Variants in TRIO observed in about 807,000 individuals in gnomAD.
TRIO encodes the protein triple functional domain protein.
A neutral mutation model predicts 351.9 loss-of-function variants in TRIO; 58 were observed. The ratio of observed to expected loss-of-function variants is 0.16; its 90% confidence interval spans 0.13 to 0.21. The LOEUF is 0.21. Among genes scored for constraint, TRIO ranks in the 10% least tolerant of loss-of-function variants. The pLI is 1.00. For synonymous variants in TRIO, 1,758 were observed against 1,595.7 expected (o/e 1.10, Z -2.42); for missense variants, 3,201 against 4,027.8 (o/e 0.79, Z 5.56).
At chr5:14,312,123 C>T (rs1393869392) in intron 8 of TRIO, among the ~76,000 whole-genome samples, 1 of 152,176 alleles carries the variant, frequency 6.6e-6, no homozygotes, top group Non-Finnish European at 1.5e-5. Context: ...CAGCCCTCAT[C>T]TGATTTTACA....
intron 1 of TRIO, among the ~76,000 whole-genome samples, chr5:14,256,441 C>G (rs1002252146): frequency 3.9e-5 from 6 of 152,134 alleles, no homozygotes; most frequent in African/African-American, 1.2e-4. Flanking sequence ...ATAGTGGTTA[C>G]GTCTAGAGCC....
At chr5:14,415,444 T>TACA (rs1749561739) in intron 33 of TRIO, among the ~76,000 whole-genome samples, 1 of 152,172 alleles carries the variant, frequency 6.6e-6, no homozygotes, top group African/African-American at 2.4e-5. Context: ...TGCCTCATTG[T>TACA]TGTGTCCAGG....
intron 6 of TRIO, among the ~76,000 whole-genome samples, chr5:14,296,616 T>C (rs1737384209): frequency 6.6e-6 from 1 of 152,216 alleles, no homozygotes; most frequent in Non-Finnish European, 1.5e-5. Context: ...GAGAGCTTGC[T>C]TTCACACAAA....
chr5:14,195,100 ATT>A (rs1356101359), intron 1 of TRIO, among the ~76,000 whole-genome samples: 1 of 152,134 alleles, frequency 6.6e-6, no homozygotes, highest in Non-Finnish European at 1.5e-5. Context: ...CTGTTATCTA[ATT>A]TACAGACTTT....
At chr5:14,458,239 GTTTC>G (rs1753513317) in intron 34 of TRIO, among the ~76,000 whole-genome samples, 1 of 152,112 alleles carries the variant, frequency 6.6e-6, no homozygotes, top group Non-Finnish European at 1.5e-5. Flanking sequence ...TCAGCTTGCT[GTTTC>G]TTTAGACTGT....
intron 21 of TRIO, among the ~76,000 whole-genome samples, chr5:14,385,718 A>T (rs918149771): frequency 2.0e-5 from 3 of 152,226 alleles, no homozygotes; most frequent in African/African-American, 4.8e-5. Flanking sequence ...AATGTATTTT[A>T]AAAATACCAA....
At chr5:14,503,683 G>A (rs980476497) in intron 54 of TRIO, among the ~76,000 whole-genome samples, 2 of 152,248 alleles carry the variant, frequency 1.3e-5, no homozygotes, top group Admixed American at 1.3e-4. Context: ...GCCAGAGCCA[G>A]CCCCAGGCAG....
At chr5:14,337,549 G>C (rs1741534444) in intron 11 of TRIO, among the ~76,000 whole-genome samples, 1 of 152,134 alleles carries the variant, frequency 6.6e-6, no homozygotes, top group Admixed American at 6.5e-5. Flanking sequence ...GGTAACTGGG[G>C]ACTATGCACA....
At chr5:14,453,104 T>C (rs1354411806) in intron 34 of TRIO, among the ~76,000 whole-genome samples, 7 of 152,098 alleles carry the variant, frequency 4.6e-5, no homozygotes, top group Non-Finnish European at 8.8e-5. Context: ...AAATCTAGCA[T>C]GGACTTTTTT....
intron 34 of TRIO, among the ~76,000 whole-genome samples, chr5:14,421,227 A>ATTTATTTATTTATTTTAT (rs57377021): frequency 9.3e-5 from 11 of 118,078 alleles, no homozygotes; most frequent in Non-Finnish European, 1.4e-4. Flanking sequence ...TTATTTATTT[A>ATTTATTTATTTATTTTAT]TTTATTTTAT....
chr5:14,361,440 G>A (rs1744145674), intron 13 of TRIO, among the ~76,000 whole-genome samples: 1 of 152,136 alleles, frequency 6.6e-6, no homozygotes, highest in South Asian at 2.1e-4. Flanking sequence ...CTTCAGATAT[G>A]GTTCAGAAGC....
chr5:14,189,649 C>G (rs1790340087), intron 1 of TRIO, among the ~76,000 whole-genome samples: 2 of 151,782 alleles, frequency 1.3e-5, no homozygotes, highest in South Asian at 2.1e-4. Flanking sequence ...TTCTGCCAGT[C>G]TAAGCCTTAA....
chr5:14,350,512 C>A (rs758925562), intron 11 of TRIO, among the ~76,000 whole-genome samples: 1 of 152,210 alleles, frequency 6.6e-6, no homozygotes, highest in Admixed American at 6.5e-5. Flanking sequence ...AGGTTAGTCA[C>A]GTCCATCTTC....
intron 34 of TRIO, among the ~76,000 whole-genome samples, chr5:14,430,283 T>A (rs1043616964): frequency 6.6e-6 from 1 of 151,556 alleles, no homozygotes; most frequent in Non-Finnish European, 1.5e-5. Context: ...ATAAATTATA[T>A]CTTGAGTCTC....
chr5:14,356,016 G>T (rs2152334296), intron 11 of TRIO, among the ~76,000 whole-genome samples: 1 of 152,168 alleles, frequency 6.6e-6, no homozygotes, highest in East Asian at 1.9e-4. Context: ...CAAAAAATAG[G>T]TAGATAATAT....
chr5:14,227,474 T>G (rs1428935893), intron 1 of TRIO, among the ~76,000 whole-genome samples: 1 of 152,244 alleles, frequency 6.6e-6, no homozygotes, highest in Non-Finnish European at 1.5e-5. Flanking sequence ...TCAGTTTTAC[T>G]AAGTGGCATA....
At position 14,206,140 on chromosome 5, in the gene TRIO, C is replaced by G. The variant is rs971611088; in HGVS notation, c.157+62258C>G. 2.0e-5 allele frequency among the ~76,000 whole-genome samples: 3 copies of G among 152,316 alleles called. No homozygotes were observed. The East Asian group carries it at 5.8e-4, about 29-fold the overall frequency. ...GCAGTGGCGCAATCTCAGCTCACTG[C>G]AACCTCTTCCTCCCGGCACAAGTGA... is the stretch of plus-strand genomic sequence containing the variant. On this transcript the variant is annotated intron_variant, in intron 1 of 56. Transcript: ENST00000344204.
intron 36 of TRIO, among the ~76,000 whole-genome samples, chr5:14,463,674 CTTTT>C (rs758172986): frequency 1.5e-5 from 2 of 137,188 alleles, no homozygotes; most frequent in African/African-American, 2.6e-5. Flanking sequence ...ACTGGTGATG[CTTTT>C]TTTTTTTTTT....
chr5:14,488,462 A>G (rs1043004665), intron 48 of TRIO: 1 of 701,876 alleles, frequency 1.4e-6, no homozygotes, highest in Non-Finnish European at 2.3e-6. Flanking sequence ...CGTGTCTTCT[A>G]ATAAGAGCAA....
Sources: gnomAD v4.1 joint callset for allele counts (sites outside exome capture counted in the v4.1 genomes callset) on GRCh38, gnomAD v4.1.1 for gene constraint, MANE v1.5 for transcripts, NCBI Gene and HGNC (gene_info 2026-07-23, HGNC 2026-07-21) for gene names.